The following COLEC12 variants were observed in gnomAD, a reference collection of about 807,000 sequenced individuals.
COLEC12 encodes the protein collectin-12.
A neutral mutation model predicts 71.1 loss-of-function variants in COLEC12; 33 were observed. The ratio of observed to expected loss-of-function variants is 0.46; its 90% CI spans 0.35 to 0.62. The LOEUF (loss-of-function observed/expected upper bound fraction) is 0.62. Ranked by LOEUF, COLEC12 falls within the 20% of genes least tolerant of loss-of-function variation. The pLI, the probability that COLEC12 is intolerant of heterozygous loss-of-function variation, is 0.00. For missense variants in COLEC12, 765 were observed against 916.1 expected, an observed-to-expected ratio of 0.84 and a Z score of 2.13; for synonymous variants, 350 against 353.0, an observed-to-expected ratio of 0.99 and a Z score of 0.10.
intron 2 of COLEC12, among the ~76,000 whole-genome samples, chr18:465,731 G>A (rs554833429): frequency 8.1e-4 from 124 of 152,216 alleles, no homozygotes; most frequent in Middle Eastern, 3.4e-3. Flanking sequence ...TCAAGCAAGG[G>A]TACTATTTTG....
At chr18:394,010 G>A (rs1032976962) in intron 2 of COLEC12, among the ~76,000 whole-genome samples, 4 of 152,158 alleles carry the variant, frequency 2.6e-5, no homozygotes, top group Non-Finnish European at 4.4e-5. Flanking sequence ...GGTGCAGGTG[G>A]TGGCGTCTGT....
At chr18:428,364 G>A (rs1043254114) in intron 2 of COLEC12, among the ~76,000 whole-genome samples, 1 of 152,116 alleles carries the variant, frequency 6.6e-6, no homozygotes, top group Admixed American at 6.5e-5. Context: ...GATTAAAACA[G>A]AAAAAGTCCT....
chr18:458,473 A>C (rs886848103), intron 2 of COLEC12, among the ~76,000 whole-genome samples: 9 of 152,200 alleles, frequency 5.9e-5, no homozygotes, highest in Admixed American at 5.9e-4. Flanking sequence ...GTGCACCTGA[A>C]CGATCCAGGT....
rs115837274 is a variant in COLEC12, at chr18:319,890, C to A, written c.*155G>T. 1.6e-6 allele frequency: 1 copy of A among 643,818 alleles called. No homozygotes were observed. Among genetic ancestry groups the A allele is most frequent in the African/African-American group, 1.9e-5 (1 of 52,248 alleles). 39.9% of individuals were successfully genotyped at this position (643,818 alleles called of 1,614,324 possible). A position where few individuals can be genotyped will look rare whatever the true frequency, so the allele number is the denominator to read the frequency against. On this transcript the variant is annotated 3_prime_UTR_variant, in exon 10 of 10. Coordinates refer to ENST00000400256, the MANE Select transcript of COLEC12 (RefSeq NM_130386.3). ...TAGTTCCCAAGTCTTTGGGTAATGACGGATGGTAAAAAACACTAGCTGTCA... is the reference window on the plus strand; with the variant it reads ...TAGTTCCCAAGTCTTTGGGTAATGAAGGATGGTAAAAAACACTAGCTGTCA...
chr18:464,187 T>G (rs555347511), intron 2 of COLEC12, among the ~76,000 whole-genome samples: 1 of 152,328 alleles, frequency 6.6e-6, no homozygotes, highest in East Asian at 1.9e-4. Context: ...ACTTGTATTA[T>G]CTGCTATTGT....
chr18:363,979 A>C (rs1914802641), intron 2 of COLEC12, among the ~76,000 whole-genome samples: 1 of 152,232 alleles, frequency 6.6e-6, no homozygotes, highest in Non-Finnish European at 1.5e-5. Flanking sequence ...GAAGCCTCAC[A>C]GCAGCTCTGT....
At chr18:447,814 T>C (rs1264454376) in intron 2 of COLEC12, among the ~76,000 whole-genome samples, 2 of 152,230 alleles carry the variant, frequency 1.3e-5, no homozygotes, top group East Asian at 3.8e-4. Context: ...ATAAAGCTAT[T>C]GATCACTTTT....
At chr18:474,529 T>C (rs1375987160) in intron 2 of COLEC12, among the ~76,000 whole-genome samples, 2 of 152,148 alleles carry the variant, frequency 1.3e-5, no homozygotes, top group Non-Finnish European at 2.9e-5. Flanking sequence ...CCTAGGTGCA[T>C]GGTGTTGCCA....
chr18:344,275 T>C (rs1914324488), intron 5 of COLEC12, among the ~76,000 whole-genome samples: 1 of 152,232 alleles, frequency 6.6e-6, no homozygotes, highest in African/African-American at 2.4e-5. Flanking sequence ...ACCCATTTTA[T>C]GAGGAACATT....
At position 491,857 on chromosome 18, in the gene COLEC12, C is replaced by T. The variant is rs1031193628; in HGVS notation, c.7+8651G>A. On this transcript the variant is annotated intron_variant, in intron 1 of 9. Transcript: ENST00000400256. ...CTTGATATGTCCCTAAGCACAGTAT[C>T]GGTAATATTTGCCCTGGTTTTATAG... Among the ~76,000 whole-genome samples, 6 of 152,158 alleles carry T rather than the reference C, an allele frequency of 3.9e-5. No homozygotes were observed. The East Asian group carries it at 5.8e-4, about 15-fold the overall frequency.
At chr18:470,220 ATTTTTTTTT>A (rs71174234) in intron 2 of COLEC12, among the ~76,000 whole-genome samples, 18 of 92,378 alleles carry the variant, frequency 1.9e-4, no homozygotes, top group East Asian at 7.7e-4. Flanking sequence ...AGGCCAGGAA[ATTTTTTTTT>A]TTTTTTTTTT....
intron 2 of COLEC12, among the ~76,000 whole-genome samples, chr18:432,000 C>CAA (rs1916313909): frequency 6.6e-6 from 1 of 152,150 alleles, no homozygotes; most frequent in Non-Finnish European, 1.5e-5. Flanking sequence ...CCCCCACACT[C>CAA]TAAATCATTT....
intron 2 of COLEC12, among the ~76,000 whole-genome samples, chr18:424,956 G>A (rs529964548): frequency 7.2e-5 from 11 of 152,216 alleles, no homozygotes; most frequent in African/African-American, 2.2e-4. Flanking sequence ...GAGAGGAGGC[G>A]AGCCGGGCGG....
chr18:452,786 G>A lies in COLEC12; in HGVS notation c.58+27921C>T, dbSNP rs184541562. On this transcript the variant is annotated intron_variant, in intron 2 of 9. Transcript: ENST00000400256. Reference sequence around the variant, plus strand: ...ATTTGTGTTGTATTTCTTTTCCACAGAACTTCACATCTGTTCTTCCTGCCA... The same window carrying A: ...ATTTGTGTTGTATTTCTTTTCCACAAAACTTCACATCTGTTCTTCCTGCCA... Among the ~76,000 whole-genome samples, 5 of 152,306 alleles carry A rather than the reference G, an allele frequency of 3.3e-5. No individual in the cohort carries two copies. The East Asian group carries it at 7.7e-4, about 24-fold the overall frequency.
In COLEC12 at chr18:399,271, T is replaced by G. The variant is rs150405800; in HGVS notation, c.59-41749A>C. On this transcript the variant is annotated intron_variant, in intron 2 of 9. Coordinates refer to ENST00000400256, the MANE Select transcript of COLEC12 (RefSeq NM_130386.3). The surrounding 1 kb of genome is among the most constrained non-coding windows in gnomAD (Gnocchi z 4.0). ...TAAGATGCTATTGATGGAATGAACTTCAGACTACTGGAATGGGCACCACCA... is the reference window on the plus strand; with the variant it reads ...TAAGATGCTATTGATGGAATGAACTGCAGACTACTGGAATGGGCACCACCA... Among the ~76,000 whole-genome samples, 104 of 152,364 alleles carry G rather than the reference T, an allele frequency of 6.8e-4. No homozygotes were observed. Among genetic ancestry groups the G allele is most frequent in the African/African-American group, 2.3e-3 (95 of 41,584 alleles).
chr18:365,522 C>G (rs1195582177), intron 2 of COLEC12, among the ~76,000 whole-genome samples: 1 of 152,030 alleles, frequency 6.6e-6, no homozygotes, highest in Non-Finnish European at 1.5e-5. Flanking sequence ...TGAAATGAAC[C>G]CCAAAAGCCA....
intron 1 of COLEC12, among the ~76,000 whole-genome samples, chr18:488,624 G>C (rs761283488): frequency 2.6e-5 from 4 of 152,036 alleles, no homozygotes; most frequent in East Asian, 3.9e-4. Context: ...CATAATCCCA[G>C]CACTTTGGGA....
At chr18:340,074 C>CAAAAAAAAAAAAA (rs60991743) in intron 5 of COLEC12, among the ~76,000 whole-genome samples, 26 of 94,202 alleles carry the variant, frequency 2.8e-4, no homozygotes, top group South Asian at 4.6e-4. Context: ...TGCCTGAAAG[C>CAAAAAAAAAAAAA]AAAAAAAAAA....
chr18:335,141 C>G lies in COLEC12; in HGVS notation c.1417G>C (p.Gly473Arg), dbSNP rs1319409878. The G allele has an allele frequency of 6.2e-7, 1 of 1,612,876 alleles. No individual in the cohort carries two copies. The highest frequency in any genetic ancestry group is 8.5e-7 in the Non-Finnish European group (1 of 1,179,652). ...TGNKGQKGEKGEPGPPGPAGE... is the reference protein window; with the variant it reads ...TGNKGQKGEKREPGPPGPAGE... The stretch of plus-strand genomic sequence containing the variant: ...GCAGGGCCAGGTGGTCCAGGCTCCC[C>G]CTTCTCTCCTTTCTGTCCCTTGTTG... Residue 473 changes from glycine (G) to arginine (R), a missense_variant, in exon 6 of 10, where the codon GGG becomes CGG. Physicochemically the swap from Gly to Arg is moderately radical, Grantham distance 125. Transcript: ENST00000400256.
Sources: allele counts gnomAD v4.1 joint callset (sites outside exome capture counted in the v4.1 genomes callset), GRCh38; gene constraint gnomAD v4.1.1; non-coding constraint Gnocchi (gnomAD v3.1); transcripts MANE v1.5; gene names NCBI Gene and HGNC (gene_info 2026-07-23, HGNC 2026-07-21).